Variants in AGAP1 observed in about 807,000 individuals in gnomAD.
AGAP1 encodes ArfGAP with GTPase domain, ankyrin repeat and PH domain 1, also known as arf-GAP with GTPase, ANK repeat and PH domain-containing protein 1.
Under a neutral mutation model 105.3 loss-of-function variants are expected in AGAP1, and 29 were observed. The observed-to-expected ratio is 0.28, with a 90% CI of 0.21 to 0.38. The LOEUF (loss-of-function observed/expected upper bound fraction) is 0.38. AGAP1 is among the 10% of genes least tolerant of loss of function. The pLI, the probability that AGAP1 is intolerant of heterozygous loss-of-function variation, is 1.00. For missense variants in AGAP1, 998 were observed against 1,165.1 expected (o/e 0.86, Z 2.09); for synonymous variants, 509 against 485.9 (o/e 1.05, Z -0.63).
intron 11 of AGAP1, among the ~76,000 whole-genome samples, chr2:235,922,233 T>C (rs768392554): frequency 2.6e-5 from 4 of 152,206 alleles, no homozygotes; most frequent in Non-Finnish European, 4.4e-5. Context: ...GAAGGCTCCA[T>C]AGGGGAAGGG....
chr2:235,836,993 G>T (rs558758895), intron 9 of AGAP1, among the ~76,000 whole-genome samples: 55 of 152,208 alleles, frequency 3.6e-4, no homozygotes, highest in African/African-American at 1.3e-3. Context: ...GGGGGTTGTG[G>T]GAGGGGGTTG....
At chr2:235,810,833 C>CTTTTTT (rs76910320) in intron 9 of AGAP1, among the ~76,000 whole-genome samples, 8 of 113,078 alleles carry the variant, frequency 7.1e-5, no homozygotes, top group African/African-American at 1.4e-4. Context: ...AATTCGGTTT[C>CTTTTTT]TTTTTTTTTT....
In AGAP1 at chr2:235,750,020, G is replaced by A. The variant is rs1482888256; in HGVS notation, c.539-334G>A. 6.6e-6 allele frequency among the ~76,000 whole-genome samples: 1 copy of A among 152,170 alleles called. No homozygotes were observed. The highest frequency in any genetic ancestry group is 1.5e-5 in the Non-Finnish European group (1 of 68,032). On this transcript the variant is annotated intron_variant, in intron 5 of 17. Transcript: ENST00000304032. This position sits in a 1 kb window ranked among gnomAD's most constrained non-coding sequence, Gnocchi z 5.3. ...TTAGCCACCTGCGTGGTGCACAGAA[G>A]GGGGCCTGCACATAGGGACTGTGTG...
intron 12 of AGAP1, among the ~76,000 whole-genome samples, chr2:235,968,062 A>T (rs555479433): frequency 7.9e-5 from 12 of 152,334 alleles, no homozygotes; most frequent in Middle Eastern, 3.4e-3. Context: ...ACTTAAGATG[A>T]TATTTCCAAA....
chr2:235,939,533 CTCTCCTTCTAT>C (rs1037435271), intron 12 of AGAP1, among the ~76,000 whole-genome samples: 2 of 151,838 alleles, frequency 1.3e-5, no homozygotes, highest in Admixed American at 6.6e-5. Context: ...CAGTTTCCAC[CTCTCCTTCTAT>C]TCTCCTTCTC....
intron 16 of AGAP1, chr2:236,049,881 T>C (rs35302986): frequency 0.65 from 98,688 of 152,304 alleles, 34,042 homozygotes; most frequent in African/African-American, 0.9. Context: ...TATTATAAAC[T>C]GTTTTTGAGT....
rs2058227410 is a variant in AGAP1 at position 236,062,456 on chromosome 2, TG to T, written c.2114+13176del. 6.8e-6 allele frequency among the ~76,000 whole-genome samples: 1 copy of T among 146,980 alleles called. No individual in the cohort carries two copies. Among genetic ancestry groups the T allele is most frequent in the African/African-American group, 2.5e-5 (1 of 39,842 alleles). ...CGTATTTTGTTGTTGTTGTTGTTGT[TG>T]TTGTTACTTTTCATTTATTTTCATG... On this transcript the variant is annotated intron_variant, in intron 16 of 17. Transcript: ENST00000304032. The surrounding 1 kb of genome is among the most constrained non-coding windows in gnomAD (Gnocchi z 4.2).
At position 235,994,266 on chromosome 2, in the gene AGAP1, A is replaced by T. The variant is rs1242889416; in HGVS notation, c.1645+25643A>T. 6.6e-6 allele frequency among the ~76,000 whole-genome samples: 1 copy of T among 152,194 alleles called. No individual in the cohort carries two copies. The highest frequency in any genetic ancestry group is 2.1e-4 in the South Asian group (1 of 4,830). On this transcript the variant is annotated intron_variant, in intron 13 of 17. Transcript: ENST00000304032. The surrounding 1 kb of genome is among the most constrained non-coding windows in gnomAD (Gnocchi z 4.4). ...ATCCATTTCTGTTGAAACTGGTCAT[A>T]GTTAGCATTTCTCCATGTCTGTGCT...
intron 5 of AGAP1, among the ~76,000 whole-genome samples, chr2:235,746,256 A>T (rs531939717): frequency 2.6e-5 from 4 of 151,780 alleles, no homozygotes; most frequent in South Asian, 4.2e-4. Flanking sequence ...ACTGCACTCC[A>T]GCCTGGTAGA....
chr2:235,514,370 A>G (rs1055446382), intron 1 of AGAP1, among the ~76,000 whole-genome samples: 2 of 152,262 alleles, frequency 1.3e-5, no homozygotes, highest in African/African-American at 4.8e-5. Flanking sequence ...AGAAGGAGTC[A>G]TGGAGGAAGT....
intron 9 of AGAP1, among the ~76,000 whole-genome samples, chr2:235,827,839 C>G (rs1387989637): frequency 1.3e-5 from 2 of 152,228 alleles, no homozygotes; most frequent in Non-Finnish European, 2.9e-5. Context: ...TGCCTTCACT[C>G]TGGAATGCTT....
At chr2:235,717,784 A>G (rs546544482) in intron 3 of AGAP1, 140 bp downstream of exon 3, 2 of 716,984 alleles carry the variant, frequency 2.8e-6, no homozygotes, top group East Asian at 3.0e-5. Flanking sequence ...ACCCTTAAGT[A>G]TGTGGTTTCT....
chr2:235,898,110 T>C (rs749411339), intron 10 of AGAP1, among the ~76,000 whole-genome samples: 3 of 152,250 alleles, frequency 2.0e-5, no homozygotes, highest in Non-Finnish European at 4.4e-5. Context: ...TACATTAGGC[T>C]AAGCTGCGAA....
chr2:235,643,324 G>A (rs1034170050), intron 1 of AGAP1, among the ~76,000 whole-genome samples: 4 of 150,678 alleles, frequency 2.7e-5, no homozygotes, highest in Middle Eastern at 3.5e-3. Context: ...CCAGCTCCTC[G>A]GGAGACTGAG....
intron 3 of AGAP1, among the ~76,000 whole-genome samples, chr2:235,718,798 T>C (rs1385973556): frequency 6.6e-6 from 1 of 152,142 alleles, no homozygotes; most frequent in Non-Finnish European, 1.5e-5. Context: ...TGAAGGCTTG[T>C]ATGTAGGGGT....
At chr2:235,709,328 TG>T in intron 2 of AGAP1, 91 bp downstream of exon 2, 1 of 1,426,454 alleles carries the variant, frequency 7.0e-7, no homozygotes. Flanking sequence ...GGTCATCGCC[TG>T]GGGCCCAGAG....
In AGAP1 at chr2:236,125,252, A is replaced by T. The variant is rs1384350286; in HGVS notation, c.*1130A>T. ...ATTTGAATAAAAGAAGTTCATAAAT[A>T]TGCATTGATTTTTGTACAGACAAAT... On this transcript the variant is annotated 3_prime_UTR_variant, in exon 18 of 18. Coordinates refer to ENST00000304032, the MANE Select transcript of AGAP1 (RefSeq NM_001037131.3). This position sits in a 1 kb window ranked among gnomAD's most constrained non-coding sequence, Gnocchi z 5.2. 3 of 153,404 alleles carry T rather than the reference A, an allele frequency of 2.0e-5. No individual in the cohort carries two copies. Among genetic ancestry groups the T allele is most frequent in the Admixed American group, 6.5e-5 (1 of 15,282 alleles). 9.5% of individuals were successfully genotyped at this position (153,404 alleles called of 1,614,324 possible). A position where few individuals can be genotyped will look rare whatever the true frequency, so the allele number is the denominator to read the frequency against.
chr2:235,681,613 A>G (rs1949077145), intron 1 of AGAP1, among the ~76,000 whole-genome samples: 1 of 152,228 alleles, frequency 6.6e-6, no homozygotes, highest in South Asian at 2.1e-4. Flanking sequence ...TCACAAGAAT[A>G]AATGTGGAAT....
rs2053813130 is a variant in AGAP1, at chr2:235,953,191, T to C, written c.1484-15271T>C. On this transcript the variant is annotated intron_variant, in intron 12 of 17. Transcript: ENST00000304032. The surrounding 1 kb of genome is among the most constrained non-coding windows in gnomAD (Gnocchi z 5.2). ...TGAAATCACCTGGAACAAGAAGTTT[T>C]TCAAATATTTTAGGTGTTTACAAAA... 6.6e-6 allele frequency among the ~76,000 whole-genome samples: 1 copy of C among 152,218 alleles called. No homozygotes were observed. Among genetic ancestry groups the C allele is most frequent in the African/African-American group, 2.4e-5 (1 of 41,456 alleles).
Sources: allele counts gnomAD v4.1 joint callset (sites outside exome capture counted in the v4.1 genomes callset), GRCh38; gene constraint gnomAD v4.1.1; non-coding constraint Gnocchi (gnomAD v3.1); transcripts MANE v1.5; gene names NCBI Gene and HGNC (gene_info 2026-07-23, HGNC 2026-07-21).